ABI3BP: variants seen among roughly 807,000 people sequenced by gnomAD.
The protein encoded by ABI3BP is target of Nesh-SH3.
ABI3BP carries 216 observed loss-of-function variants against 268.6 expected under a neutral mutation model. The ratio of observed to expected loss-of-function variants is 0.80; its 90% CI spans 0.72 to 0.90. ABI3BP has a LOEUF of 0.90. Ranked by LOEUF, ABI3BP falls within the 40% of genes least tolerant of loss-of-function variation. ABI3BP has a pLI of 0.00. For missense variants in ABI3BP, 2,090 were observed against 2,182.4 expected, an observed-to-expected ratio of 0.96 and a Z score of 0.84; for synonymous variants, 730 against 730.0, an observed-to-expected ratio of 1.00 and a Z score of 0.00.
At position 100,801,436 on chromosome 3, in the gene ABI3BP, AAAAAG is replaced by A. The variant is rs1298286002; in HGVS notation, c.3757+3351_3757+3355del. Reference sequence around the variant, plus strand: ...GAGTGATATCCTGTCAAAAAAAAAAAAAAAGAAAAGAAAAGAAAAGAAAAAAAGAT... The same window carrying A: ...GAGTGATATCCTGTCAAAAAAAAAAAAAAAGAAAAGAAAAGAAAAAAAGAT... On this transcript the variant is annotated intron_variant, in intron 51 of 67. Transcript: ENST00000471714. Among the ~76,000 whole-genome samples the A allele has an allele frequency of 2.9e-4, 42 of 145,476 alleles. No homozygotes were observed. The South Asian group carries it at 3.0e-3, about 10-fold the overall frequency.
intron 19 of ABI3BP, among the ~76,000 whole-genome samples, chr3:100,847,266 G>T (rs538907887): frequency 1.3e-5 from 2 of 152,252 alleles, no homozygotes; most frequent in South Asian, 4.1e-4. Context: ...GTTGGAAGTT[G>T]AACTTGAGAG....
At chr3:100,982,010 G>A (rs1334393307) in intron 1 of ABI3BP, among the ~76,000 whole-genome samples, 2 of 152,194 alleles carry the variant, frequency 1.3e-5, no homozygotes, top group African/African-American at 4.8e-5. Context: ...TCACACTTCT[G>A]CATGGCTGGG....
intron 6 of ABI3BP, among the ~76,000 whole-genome samples, chr3:100,880,998 A>C (rs1459541549): frequency 6.6e-6 from 1 of 152,178 alleles, no homozygotes; most frequent in South Asian, 2.1e-4. Flanking sequence ...AAACCACATG[A>C]GAACTTGGGC....
At position 100,940,829 on chromosome 3, in the gene ABI3BP, T is replaced by TATATATATATATACAG. The variant is rs1244113888; in HGVS notation, c.80-14349_80-14348insCTGTATATATATATAT. ...ATATATATATATATATATATATATA[T>TATATATATATATACAG]ATGATATGATGAGTCAGGAATTTAA... On this transcript the variant is annotated intron_variant, in intron 1 of 67. Coordinates refer to ENST00000471714, the MANE Select transcript of ABI3BP (RefSeq NM_001375547.2). Among the ~76,000 whole-genome samples the TATATATATATATACAG allele has an allele frequency of 4.9e-5, 2 of 41,232 alleles. 1 individual carries two copies. The highest frequency in any genetic ancestry group is 8.3e-4 in the Admixed American group (2 of 2,424). 27.0% of individuals were successfully genotyped at this position (41,232 alleles called of 152,430 possible).
At chr3:100,817,025 G>C (rs1442456843) in intron 42 of ABI3BP, among the ~76,000 whole-genome samples, 1 of 152,136 alleles carries the variant, frequency 6.6e-6, no homozygotes, top group Non-Finnish European at 1.5e-5. Context: ...GGATGATAGA[G>C]TCTCAGGCTC....
At chr3:100,902,993 T>TA (rs1426524199) in intron 2 of ABI3BP, among the ~76,000 whole-genome samples, 1 of 152,172 alleles carries the variant, frequency 6.6e-6, no homozygotes, top group African/African-American at 2.4e-5. Flanking sequence ...ATATATATTT[T>TA]AAAAAATCAG....
chr3:100,933,726 A>G (rs1174701183), intron 1 of ABI3BP, among the ~76,000 whole-genome samples: 1 of 151,828 alleles, frequency 6.6e-6, no homozygotes, highest in African/African-American at 2.4e-5. Context: ...GAAAAAAATA[A>G]CAAAAATTTA....
At chr3:100,912,047 C>A in intron 2 of ABI3BP, 1 of 745,740 alleles carries the variant, frequency 1.3e-6, no homozygotes, top group South Asian at 1.4e-5. Flanking sequence ...ATTTGGGAAT[C>A]AGTAATGCTA....
intron 61 of ABI3BP, among the ~76,000 whole-genome samples, chr3:100,772,343 C>T (rs2149981476): frequency 6.6e-6 from 1 of 152,274 alleles, no homozygotes; most frequent in Admixed American, 6.5e-5. Flanking sequence ...GTAACATACA[C>T]AATGTTTTTC....
At chr3:100,980,331 C>A (rs541476727) in intron 1 of ABI3BP, among the ~76,000 whole-genome samples, 1 of 152,134 alleles carries the variant, frequency 6.6e-6, no homozygotes, top group African/African-American at 2.4e-5. Flanking sequence ...CCCCGGTTCA[C>A]GCCATTCTCC....
intron 2 of ABI3BP, among the ~76,000 whole-genome samples, chr3:100,910,259 G>A (rs2055721068): frequency 6.6e-6 from 1 of 152,002 alleles, no homozygotes; most frequent in Non-Finnish European, 1.5e-5. Context: ...AGGCCTGTTG[G>A]GAAGTCGGGG....
chr3:100,920,856 G>C (rs1364703196), intron 2 of ABI3BP, among the ~76,000 whole-genome samples: 1 of 152,200 alleles, frequency 6.6e-6, no homozygotes, highest in African/African-American at 2.4e-5. Flanking sequence ...AATAAGTCGT[G>C]TTGAATTTGA....
intron 24 of ABI3BP, among the ~76,000 whole-genome samples, 163 bp downstream of exon 24, chr3:100,839,406 T>G (rs1392798066): frequency 6.6e-6 from 1 of 152,110 alleles, no homozygotes; most frequent in Non-Finnish European, 1.5e-5. Context: ...GTTTTAGAAC[T>G]CTCCTATCTT....
intron 28 of ABI3BP, 116 bp from the exon 29 acceptor site, chr3:100,834,889 G>T: frequency 2.0e-6 from 2 of 985,876 alleles, no homozygotes; most frequent in Non-Finnish European, 2.9e-6. Flanking sequence ...TGTCTCTTTG[G>T]TTTAGAATTT....
chr3:100,834,552 G>T (rs937272160), intron 29 of ABI3BP, 132 bp downstream of exon 29: 14 of 738,768 alleles, frequency 1.9e-5, no homozygotes, highest in Non-Finnish European at 2.7e-5. Flanking sequence ...CACTGTGTTG[G>T]TAGCAGCTGC....
At chr3:100,930,068 G>C (rs767852278) in intron 1 of ABI3BP, among the ~76,000 whole-genome samples, 1 of 151,882 alleles carries the variant, frequency 6.6e-6, no homozygotes, top group Non-Finnish European at 1.5e-5. Flanking sequence ...TAGTAGTTTG[G>C]AATACTAGTC....
chr3:100,859,368 C>T (rs1996655), intron 14 of ABI3BP, among the ~76,000 whole-genome samples: 52,779 of 151,720 alleles, frequency 0.35, 9,666 homozygotes, highest in African/African-American at 0.45. Flanking sequence ...ACTGCAATTA[C>T]GTTTGCACCA....
chr3:100,921,227 C>T (rs928144942), intron 2 of ABI3BP, among the ~76,000 whole-genome samples: 1 of 152,232 alleles, frequency 6.6e-6, no homozygotes, highest in African/African-American at 2.4e-5. Flanking sequence ...CAGAATTTGT[C>T]ATAGTGAACA....
intron 2 of ABI3BP, among the ~76,000 whole-genome samples, chr3:100,920,265 CT>C (rs2059842955): frequency 6.6e-6 from 1 of 152,072 alleles, no homozygotes; most frequent in Non-Finnish European, 1.5e-5. Context: ...CTGGCCAGAA[CT>C]TTAGTGGAAA....
Sources: gnomAD v4.1 joint callset for allele counts (sites outside exome capture counted in the v4.1 genomes callset) on GRCh38, gnomAD v4.1.1 for gene constraint, MANE v1.5 for transcripts, NCBI Gene and HGNC (gene_info 2026-07-23, HGNC 2026-07-21) for gene names.